The following SLC16A7 variants were observed in gnomAD, a reference collection of about 807,000 sequenced individuals.
The protein encoded by SLC16A7 is monocarboxylate transporter 2.
In SLC16A7, 33 loss-of-function variants were observed where a neutral mutation model predicts 34.9. The ratio of observed to expected loss-of-function variants is 0.94; its 90% CI spans 0.72 to 1.26. The LOEUF (loss-of-function observed/expected upper bound fraction) is 1.26. Ranked by LOEUF, SLC16A7 falls within the 50% of genes most tolerant of loss-of-function variation. The pLI, the probability that SLC16A7 is intolerant of heterozygous loss-of-function variation, is 0.00. For synonymous variants in SLC16A7, 201 were observed against 206.6 expected, an observed-to-expected ratio of 0.97 and a Z score of 0.23; for missense variants, 573 against 578.1, an observed-to-expected ratio of 0.99 and a Z score of 0.09.
intron 1 of SLC16A7, among the ~76,000 whole-genome samples, chr12:59,600,779 A>G (rs555638264): frequency 2.0e-5 from 3 of 152,236 alleles, no homozygotes; most frequent in South Asian, 2.1e-4. Context: ...TGGGTGCACC[A>G]TAGACAATTT....
rs1038322081 is a variant in SLC16A7 at position 59,755,948 on chromosome 12, C to T, written c.218-15271C>T. Among the ~76,000 whole-genome samples, 25 of 152,138 alleles carry T rather than the reference C, an allele frequency of 1.6e-4. 2 individuals are homozygous for T. In the East Asian group the frequency reaches 2.5e-3, roughly 15 times the overall value. On this transcript the variant is annotated intron_variant, in intron 3 of 5. Coordinates refer to ENST00000547379, the MANE Select transcript of SLC16A7 (RefSeq NM_001270623.2). ...AGCAGAACAGAGCCCTCAGAAATAA[C>T]GCTGCATATCTACAACTATCTGATC...
rs1262529849 is a variant in SLC16A7 at position 59,781,586 on chromosome 12, T to C, written c.*1907T>C. 6.6e-6 allele frequency: 1 copy of C among 152,614 alleles called. No individual in the cohort carries two copies. The highest frequency in any genetic ancestry group is 1.5e-5 in the Non-Finnish European group (1 of 68,016). 9.5% of individuals were successfully genotyped at this position (152,614 alleles called of 1,614,324 possible). ...TTTTCAAATGTTAAGTAAAACAAGATGTGCCAATATCATAGGTAAATAAAT... is the reference window on the plus strand; with the variant it reads ...TTTTCAAATGTTAAGTAAAACAAGACGTGCCAATATCATAGGTAAATAAAT... On this transcript the variant is annotated 3_prime_UTR_variant, in exon 6 of 6. Transcript: ENST00000547379.
chr12:59,711,135 G>A (rs931862056), intron 3 of SLC16A7, among the ~76,000 whole-genome samples: 1 of 152,184 alleles, frequency 6.6e-6, no homozygotes, highest in African/African-American at 2.4e-5. Flanking sequence ...TGCCCTGCAG[G>A]CAGTGGGTGA....
At chr12:59,671,929 CCATATATGTATATATGTGTATATAT>C (rs1565640904) in intron 2 of SLC16A7, among the ~76,000 whole-genome samples, 3 of 15,496 alleles carry the variant, frequency 1.9e-4, no homozygotes, top group African/African-American at 9.9e-4. Flanking sequence ...ATGTATATAT[CCATATATGTATATATGTGTATATAT>C]GTATATATGT....
rs929505905 is a variant in SLC16A7, at chr12:59,784,452, C to T, written c.*4773C>T. ...TGATTATTCCATTTATAATATTATC[C>T]GTAGCTACCAAAAAAAAGATTATAA... is the stretch of plus-strand genomic sequence containing the variant. On this transcript the variant is annotated 3_prime_UTR_variant, in exon 6 of 6. Coordinates refer to ENST00000547379, the MANE Select transcript of SLC16A7 (RefSeq NM_001270623.2). 5 of 151,886 alleles carry T rather than the reference C, an allele frequency of 3.3e-5. No individual in the cohort carries two copies. The highest frequency in any genetic ancestry group is 1.9e-4 in the East Asian group (1 of 5,170). 9.4% of individuals were successfully genotyped at this position (151,886 alleles called of 1,614,324 possible).
chr12:59,747,212 G>A (rs34790713), intron 3 of SLC16A7, among the ~76,000 whole-genome samples: 11,613 of 152,192 alleles, frequency 0.076, 534 homozygotes, highest in South Asian at 0.17. Context: ...TAATGATATA[G>A]TTATATGAAA....
intron 3 of SLC16A7, among the ~76,000 whole-genome samples, chr12:59,760,556 C>A (rs775632405): frequency 6.6e-6 from 1 of 152,026 alleles, no homozygotes; most frequent in Non-Finnish European, 1.5e-5. Context: ...CAATAATATA[C>A]TTTAGTAAAA....
At chr12:59,606,717 G>A (rs973265616) in intron 1 of SLC16A7, among the ~76,000 whole-genome samples, 1 of 152,116 alleles carries the variant, frequency 6.6e-6, no homozygotes, top group African/African-American at 2.4e-5. Flanking sequence ...AAATAATTAA[G>A]CATTGCTATA....
At chr12:59,736,335 G>T (rs1407605158) in intron 3 of SLC16A7, among the ~76,000 whole-genome samples, 1 of 152,116 alleles carries the variant, frequency 6.6e-6, no homozygotes, top group East Asian at 1.9e-4. Flanking sequence ...AAAATAGGGA[G>T]GGCTTGAGTG....
chr12:59,672,240 GTATATATA>G (rs372486886), intron 2 of SLC16A7, among the ~76,000 whole-genome samples: 1 of 109,004 alleles, frequency 9.2e-6, no homozygotes, highest in Admixed American at 9.3e-5. Flanking sequence ...GCATATATAC[GTATATATA>G]TGTGTATATA....
At chr12:59,597,292 G>C (rs1049046393) in intron 1 of SLC16A7, 5 of 151,632 alleles carry the variant, frequency 3.3e-5, no homozygotes, top group African/African-American at 1.2e-4. Flanking sequence ...GAGGAAACGA[G>C]GAGTGGTTTC....
At chr12:59,766,393 A>G (rs1238150330) in intron 3 of SLC16A7, among the ~76,000 whole-genome samples, 4 of 152,154 alleles carry the variant, frequency 2.6e-5, no homozygotes, top group African/African-American at 4.8e-5. Context: ...GAGAGAGGGC[A>G]TCCCTGTCTT....
At chr12:59,757,737 C>T (rs918740644) in intron 3 of SLC16A7, among the ~76,000 whole-genome samples, 2 of 152,096 alleles carry the variant, frequency 1.3e-5, no homozygotes, top group Admixed American at 1.3e-4. Flanking sequence ...AACTTCTCCT[C>T]TTCCTCCTCC....
At chr12:59,704,625 G>T in intron 2 of SLC16A7, 147 bp from the exon 3 acceptor site, 1 of 516,104 alleles carries the variant, frequency 1.9e-6, no homozygotes, top group Non-Finnish European at 3.4e-6. Flanking sequence ...ACATTTTCTG[G>T]TAATTTTCTG....
intron 1 of SLC16A7, among the ~76,000 whole-genome samples, chr12:59,598,528 A>G (rs1453117195): frequency 6.6e-6 from 1 of 152,226 alleles, no homozygotes; most frequent in South Asian, 2.1e-4. Flanking sequence ...CATATATCCA[A>G]GTAACTTGAA....
chr12:59,738,403 A>T (rs1395310027), intron 3 of SLC16A7, among the ~76,000 whole-genome samples: 1 of 152,194 alleles, frequency 6.6e-6, no homozygotes, highest in Non-Finnish European at 1.5e-5. Flanking sequence ...TTCCATATCA[A>T]ACTGAGGGCT....
intron 3 of SLC16A7, among the ~76,000 whole-genome samples, chr12:59,739,209 A>G (rs1290584108): frequency 4.0e-5 from 4 of 99,232 alleles, no homozygotes; most frequent in African/African-American, 1.6e-4. Flanking sequence ...CCACCCCACA[A>G]CAGTCCCCAG....
At position 59,729,291 on chromosome 12, in the gene SLC16A7, G is replaced by A. The variant is rs1247166780; in HGVS notation, c.217+24273G>A. On this transcript the variant is annotated intron_variant, in intron 3 of 5. Coordinates refer to ENST00000547379, the MANE Select transcript of SLC16A7 (RefSeq NM_001270623.2). ...CTATTGGTATTATAACTCATCATGC[G>A]GATTACCATGCTGCCCAGGTGGGCA... Among the ~76,000 whole-genome samples the A allele has an allele frequency of 6.6e-5, 10 of 152,226 alleles. No homozygotes were observed. In the South Asian group the frequency reaches 1.0e-3, roughly 16 times the overall value.
intron 2 of SLC16A7, among the ~76,000 whole-genome samples, chr12:59,665,423 T>C (rs1233969197): frequency 6.6e-6 from 1 of 152,078 alleles, no homozygotes; most frequent in African/African-American, 2.4e-5. Context: ...TTTGTAACTA[T>C]GTATGTGTAC....
Sources: allele counts gnomAD v4.1 joint callset (sites outside exome capture counted in the v4.1 genomes callset), GRCh38; gene constraint gnomAD v4.1.1; transcripts MANE v1.5; gene names NCBI Gene and HGNC (gene_info 2026-07-23, HGNC 2026-07-21).